The following GRIA2 variants were observed in gnomAD, a reference collection of about 807,000 sequenced individuals.
The protein encoded by GRIA2 is glutamate receptor 2.
GRIA2 carries 14 observed loss-of-function variants against 97.3 expected under a neutral mutation model. The ratio of observed to expected loss-of-function variants is 0.14; its 90% CI spans 0.10 to 0.23. GRIA2 has a LOEUF of 0.23. Among genes scored for constraint, GRIA2 ranks in the 10% least tolerant of loss-of-function variants. The pLI is 1.00. For synonymous variants in GRIA2, 412 were observed against 387.8 expected (o/e 1.06, Z -0.73); for missense variants, 558 against 1,069.8 (o/e 0.52, Z 6.67).
Position 157,364,632 on chromosome 4 carries a change from A to G in GRIA2, c.*1201A>G, listed in dbSNP as rs1399617982. 6.6e-6 allele frequency: 1 copy of G among 152,218 alleles called. No individual in the cohort carries two copies. The highest frequency in any genetic ancestry group is 6.6e-5 in the Admixed American group (1 of 15,184). 9.4% of individuals were successfully genotyped at this position (152,218 alleles called of 1,614,324 possible). A position where few individuals can be genotyped will look rare whatever the true frequency, so the allele number is the denominator to read the frequency against. ...GAAGAGAAACATTCATTTTAAATGA[A>G]GTAAAAAATGCCTTGAAAGTAATTC... On this transcript the variant is annotated 3_prime_UTR_variant, in exon 16 of 16. Transcript: ENST00000264426.
At chr4:157,224,766 C>T (rs1252804278) in intron 2 of GRIA2, among the ~76,000 whole-genome samples, 1 of 152,028 alleles carries the variant, frequency 6.6e-6, no homozygotes, top group African/African-American at 2.4e-5. Flanking sequence ...CCTTTTTATT[C>T]AGGGAAGTCT....
intron 2 of GRIA2, among the ~76,000 whole-genome samples, chr4:157,226,370 T>C (rs958323504): frequency 6.6e-6 from 1 of 152,218 alleles, no homozygotes; most frequent in Non-Finnish European, 1.5e-5. Context: ...AGAAAATTAT[T>C]CAAAATGCTG....
chr4:157,266,638 G>A (rs557874524), intron 2 of GRIA2, among the ~76,000 whole-genome samples: 1 of 152,180 alleles, frequency 6.6e-6, no homozygotes, highest in East Asian at 1.9e-4. Context: ...GTGAGCAAAT[G>A]GGGATCAGGT....
At chr4:157,248,942 A>G (rs943854399) in intron 2 of GRIA2, among the ~76,000 whole-genome samples, 1 of 151,508 alleles carries the variant, frequency 6.6e-6, no homozygotes, top group East Asian at 2.0e-4. Context: ...GAATCAAGCA[A>G]TCCTCTCAAA....
intron 2 of GRIA2, among the ~76,000 whole-genome samples, chr4:157,300,484 T>A (rs1733567152): frequency 6.6e-6 from 1 of 152,046 alleles, no homozygotes; most frequent in Non-Finnish European, 1.5e-5. Context: ...TTATCCTGCT[T>A]GGGGACAGAG....
intron 12 of GRIA2, among the ~76,000 whole-genome samples, chr4:157,351,704 A>G (rs952643019): frequency 6.6e-6 from 1 of 152,158 alleles, no homozygotes; most frequent in African/African-American, 2.4e-5. Flanking sequence ...AAACTGATTC[A>G]TGGAGGCAGT....
At chr4:157,240,466 T>G (rs1311116165) in intron 2 of GRIA2, among the ~76,000 whole-genome samples, 1 of 152,048 alleles carries the variant, frequency 6.6e-6, no homozygotes, top group African/African-American at 2.4e-5. Context: ...TACATTTTAT[T>G]TATTTCCTTT....
chr4:157,257,969 G>T (rs1449629751), intron 2 of GRIA2, among the ~76,000 whole-genome samples: 1 of 152,148 alleles, frequency 6.6e-6, no homozygotes, highest in Non-Finnish European at 1.5e-5. Context: ...AATGAAAATT[G>T]TGAAGATTTC....
At chr4:157,236,797 C>T (rs1208680698) in intron 2 of GRIA2, among the ~76,000 whole-genome samples, 1 of 152,026 alleles carries the variant, frequency 6.6e-6, no homozygotes, top group Non-Finnish European at 1.5e-5. Flanking sequence ...CATAAACACA[C>T]CTGTTCATTC....
intron 2 of GRIA2, among the ~76,000 whole-genome samples, chr4:157,298,544 T>C (rs1432318425): frequency 6.7e-6 from 1 of 150,286 alleles, no homozygotes; most frequent in East Asian, 2.0e-4. Context: ...TAGTTGGAAA[T>C]ATATGGTTTT....
At chr4:157,300,156 G>T (rs1325456555) in intron 2 of GRIA2, among the ~76,000 whole-genome samples, 1 of 151,688 alleles carries the variant, frequency 6.6e-6, no homozygotes, top group East Asian at 1.9e-4. Flanking sequence ...TTTAAATTTT[G>T]GAGGCATCAT....
chr4:157,229,247 G>C (rs998660803), intron 2 of GRIA2, among the ~76,000 whole-genome samples: 1 of 151,890 alleles, frequency 6.6e-6, no homozygotes, highest in African/African-American at 2.4e-5. Context: ...TTTATGTTTC[G>C]GGTTTGTTTT....
chr4:157,342,840 C>T (rs1164506290), intron 12 of GRIA2, among the ~76,000 whole-genome samples: 1 of 152,042 alleles, frequency 6.6e-6, no homozygotes, highest in African/African-American at 2.4e-5. Flanking sequence ...CAGACTCTCT[C>T]TTCCAGTTGA....
At chr4:157,283,963 T>C (rs2126819892) in intron 2 of GRIA2, among the ~76,000 whole-genome samples, 1 of 152,066 alleles carries the variant, frequency 6.6e-6, no homozygotes, top group Non-Finnish European at 1.5e-5. Context: ...ATATCCAGGC[T>C]AGGATAATGT....
At chr4:157,271,439 G>T (rs1732019659) in intron 2 of GRIA2, among the ~76,000 whole-genome samples, 1 of 152,020 alleles carries the variant, frequency 6.6e-6, no homozygotes, top group Admixed American at 6.6e-5. Flanking sequence ...TGATTAATTT[G>T]CTTAAGCAGG....
intron 12 of GRIA2, among the ~76,000 whole-genome samples, chr4:157,345,399 T>A (rs1735724731): frequency 6.6e-6 from 1 of 152,084 alleles, no homozygotes; most frequent in African/African-American, 2.4e-5. Flanking sequence ...AAAGTCTGAA[T>A]CATTTTGGAG....
rs1560781240 is a variant in GRIA2, at chr4:157,355,951, T to TATATATTTA, written c.2044-3945_2044-3944insATATATTTA. 2.9e-4 allele frequency among the ~76,000 whole-genome samples: 20 copies of TATATATTTA among 68,094 alleles called. 1 individual carries two copies. In the East Asian group the frequency reaches 6.9e-3, roughly 24 times the overall value. The allele number at this position is 68,094 out of a possible 152,430, so 44.7% of individuals were successfully genotyped here. ...TATATATTTATATATTAATATATAT[T>TATATATTTA]TATATATTTATGTATATTAATATAT... On this transcript the variant is annotated intron_variant, in intron 12 of 15. Transcript: ENST00000264426.
intron 15 of GRIA2, 105 bp downstream of exon 15, chr4:157,363,152 T>C: frequency 8.4e-7 from 1 of 1,192,024 alleles, no homozygotes; most frequent in Non-Finnish European, 1.2e-6. Context: ...TCATCCTGTA[T>C]GTATTGTTGA....
At chr4:157,262,824 T>C (rs1731605582) in intron 2 of GRIA2, among the ~76,000 whole-genome samples, 2 of 151,988 alleles carry the variant, frequency 1.3e-5, no homozygotes, top group African/African-American at 2.4e-5. Context: ...CCATAAAAAC[T>C]TCTTAGGGAA....
Sources: gnomAD v4.1 joint callset for allele counts (sites outside exome capture counted in the v4.1 genomes callset) on GRCh38, gnomAD v4.1.1 for gene constraint, MANE v1.5 for transcripts, NCBI Gene and HGNC (gene_info 2026-07-23, HGNC 2026-07-21) for gene names.